KHDRBS2: variants seen among roughly 807,000 people sequenced by gnomAD.
The protein encoded by KHDRBS2 is KH RNA binding domain containing, signal transduction associated 2, also known as KH domain-containing, RNA-binding, signal transduction-associated protein 2.
A neutral mutation model predicts 44.3 loss-of-function variants in KHDRBS2; 26 were observed. The ratio of observed to expected loss-of-function variants is 0.59; its 90% confidence interval spans 0.43 to 0.81. KHDRBS2 has a LOEUF of 0.81. Ranked by LOEUF, KHDRBS2 falls within the 40% of genes least tolerant of loss-of-function variation. The probability of loss-of-function intolerance (pLI) is 0.00; values close to 1 mark genes in which losing one functional copy is unlikely to be tolerated. For synonymous variants in KHDRBS2, 194 were observed against 151.1 expected (o/e 1.28, Z -2.08); for missense variants, 476 against 433.1 (o/e 1.10, Z -0.88).
chr6:62,070,191 T>C (rs1393087030), intron 2 of KHDRBS2, among the ~76,000 whole-genome samples: 1 of 151,776 alleles, frequency 6.6e-6, no homozygotes, highest in African/African-American at 2.4e-5. Flanking sequence ...TTATAGGTGC[T>C]GGATTTGGTT....
At chr6:61,885,755 T>C (rs1397715853) in intron 6 of KHDRBS2, among the ~76,000 whole-genome samples, 1 of 152,038 alleles carries the variant, frequency 6.6e-6, no homozygotes, top group Non-Finnish European at 1.5e-5. Flanking sequence ...TACCTTACTT[T>C]TGCAACAAAG....
At chr6:62,281,619 C>A (rs1841815931) in intron 1 of KHDRBS2, among the ~76,000 whole-genome samples, 2 of 152,168 alleles carry the variant, frequency 1.3e-5, no homozygotes, top group South Asian at 4.1e-4. Flanking sequence ...GGCTCTGTCT[C>A]AAAAATAAAA....
At chr6:61,646,402 C>T in the KHDRBS2 span, among the ~76,000 whole-genome samples, 4 of 152,146 alleles carry the variant, frequency 2.6e-5, no homozygotes, top group African/African-American at 9.7e-5. Flanking sequence ...CCATATTTCA[C>T]AGTATATGTC....
intron 2 of KHDRBS2, among the ~76,000 whole-genome samples, chr6:62,051,655 A>T (rs1789074287): frequency 6.6e-6 from 1 of 152,060 alleles, no homozygotes; most frequent in South Asian, 2.1e-4. Context: ...TTAAACTAAA[A>T]AACTCCTTCA....
intron 6 of KHDRBS2, among the ~76,000 whole-genome samples, chr6:61,763,416 G>A (rs1414283371): frequency 6.6e-6 from 1 of 152,128 alleles, no homozygotes; most frequent in Non-Finnish European, 1.5e-5. Context: ...TGAAGAATTT[G>A]GAACATCATC....
rs531556271 is a variant in KHDRBS2 at position 62,053,630 on chromosome 6, A to G, written c.220-5636T>C. Among the ~76,000 whole-genome samples the G allele has an allele frequency of 1.3e-3, 199 of 152,112 alleles. 1 individual carries two copies. Among genetic ancestry groups the G allele is most frequent in the African/African-American group, 4.5e-3 (188 of 41,576 alleles). On this transcript the variant is annotated intron_variant, in intron 2 of 8. Transcript: ENST00000281156. ...AAAACAAAGGAAACATCATCAGTCAATAGAAGGCTTCTATTCAAAATTCAT... is the reference window on the plus strand; with the variant it reads ...AAAACAAAGGAAACATCATCAGTCAGTAGAAGGCTTCTATTCAAAATTCAT...
chr6:62,196,593 T>C (rs536775105), intron 1 of KHDRBS2, among the ~76,000 whole-genome samples: 5 of 52,952 alleles, frequency 9.4e-5, no homozygotes, highest in South Asian at 6.0e-4. Context: ...CTTGGGAAGA[T>C]GGAACACTCA....
intron 2 of KHDRBS2, among the ~76,000 whole-genome samples, chr6:62,146,396 G>C (rs1316158460): frequency 6.6e-6 from 1 of 151,168 alleles, no homozygotes; most frequent in African/African-American, 2.4e-5. Flanking sequence ...ACTAGTTGTT[G>C]TCTCTTCTCT....
chr6:61,617,474 A>C, the KHDRBS2 span, among the ~76,000 whole-genome samples: 1 of 152,150 alleles, frequency 6.6e-6, no homozygotes, highest in Non-Finnish European at 1.5e-5. Context: ...ATTTTGTTGC[A>C]GCAGTGCTTT....
At chr6:61,776,070 G>A (rs1368835385) in intron 6 of KHDRBS2, among the ~76,000 whole-genome samples, 7 of 152,226 alleles carry the variant, frequency 4.6e-5, no homozygotes, top group Non-Finnish European at 8.8e-5. Flanking sequence ...AATGGTGCTG[G>A]GAAAACTGGC....
At chr6:61,566,879 A>C in the KHDRBS2 span, among the ~76,000 whole-genome samples, 3 of 152,220 alleles carry the variant, frequency 2.0e-5, no homozygotes, top group Non-Finnish European at 4.4e-5. Flanking sequence ...GAAAAATTAC[A>C]TCAAACCAGC....
chr6:62,159,811 A>G (rs1052279567), intron 2 of KHDRBS2, among the ~76,000 whole-genome samples: 6 of 152,174 alleles, frequency 3.9e-5, no homozygotes, highest in African/African-American at 1.4e-4. Flanking sequence ...GGAAGAGAAA[A>G]TATATTTACT....
chr6:61,590,424 G>A, the KHDRBS2 span, among the ~76,000 whole-genome samples: 1 of 152,102 alleles, frequency 6.6e-6, no homozygotes, highest in Non-Finnish European at 1.5e-5. Flanking sequence ...AGTCTTATCT[G>A]AGAAAATAAA....
chr6:62,189,522 A>G (rs474068), intron 1 of KHDRBS2, among the ~76,000 whole-genome samples: 121,114 of 151,922 alleles, frequency 0.8, 48,893 homozygotes, highest in African/African-American at 0.92. Context: ...ATCATGAGAC[A>G]GAACTTTTAT....
the KHDRBS2 span, among the ~76,000 whole-genome samples, chr6:61,653,933 C>A: frequency 6.6e-6 from 1 of 151,912 alleles, no homozygotes; most frequent in Non-Finnish European, 1.5e-5. Flanking sequence ...ATAAGTTTAA[C>A]AAATTCATGG....
chr6:62,111,223 A>T (rs1804918899), intron 2 of KHDRBS2, among the ~76,000 whole-genome samples: 1 of 152,152 alleles, frequency 6.6e-6, no homozygotes, highest in Admixed American at 6.6e-5. Flanking sequence ...ATTTTAAAAG[A>T]AATTTGCAAT....
At chr6:61,669,936 T>C in the KHDRBS2 span, among the ~76,000 whole-genome samples, 1 of 150,778 alleles carries the variant, frequency 6.6e-6, no homozygotes, top group African/African-American at 2.4e-5. Flanking sequence ...CTTCTGAAAA[T>C]TGAAATTGCA....
intron 1 of KHDRBS2, among the ~76,000 whole-genome samples, chr6:62,195,325 A>G (rs1825456607): frequency 6.6e-6 from 1 of 152,174 alleles, no homozygotes; most frequent in African/African-American, 2.4e-5. Flanking sequence ...GTGAGCACCA[A>G]AGGATTTTCT....
intron 6 of KHDRBS2, 120 bp downstream of exon 6, chr6:61,894,515 A>C (rs1562387560): frequency 1.3e-6 from 1 of 767,062 alleles, no homozygotes. Context: ...GTTGTAAATG[A>C]CATTCGTTTC....
Sources: gnomAD v4.1 joint callset for allele counts (sites outside exome capture counted in the v4.1 genomes callset) on GRCh38, gnomAD v4.1.1 for gene constraint, MANE v1.5 for transcripts, NCBI Gene and HGNC (gene_info 2026-07-23, HGNC 2026-07-21) for gene names.